Variants in CCBE1 observed in about 807,000 individuals in gnomAD.
CCBE1 encodes collagen and calcium-binding EGF domain-containing protein 1.
In CCBE1, 37 loss-of-function variants were observed where a neutral mutation model predicts 50.0. That is an observed-to-expected ratio of 0.74 (90% CI 0.57 to 0.97). The LOEUF is 0.97. Ranked by LOEUF, CCBE1 falls within the 50% of genes least tolerant of loss-of-function variation. CCBE1 has a pLI of 0.00. For synonymous variants in CCBE1, 234 were observed against 203.7 expected (o/e 1.15, Z -1.27); for missense variants, 538 against 523.8 (o/e 1.03, Z -0.26).
At chr18:59,680,434 T>C (rs1178322623) in intron 2 of CCBE1, among the ~76,000 whole-genome samples, 2 of 151,136 alleles carry the variant, frequency 1.3e-5, no homozygotes, top group Non-Finnish European at 3.0e-5. Flanking sequence ...GGCGCGGTGG[T>C]TTGCATGTAA....
intron 2 of CCBE1, among the ~76,000 whole-genome samples, chr18:59,510,308 A>C (rs181306899): frequency 6.6e-6 from 1 of 152,366 alleles, no homozygotes; most frequent in Admixed American, 6.5e-5. Context: ...TGATATTTGC[A>C]GTTCAGAATT....
At chr18:59,468,146 G>C (rs930801805) in intron 4 of CCBE1, among the ~76,000 whole-genome samples, 2 of 152,144 alleles carry the variant, frequency 1.3e-5, no homozygotes, top group African/African-American at 4.8e-5. Flanking sequence ...CCAGCGCTTT[G>C]GGGGGGCCAA....
chr18:59,631,965 T>C (rs879927896), intron 2 of CCBE1, among the ~76,000 whole-genome samples: 5 of 152,254 alleles, frequency 3.3e-5, no homozygotes, highest in Non-Finnish European at 7.3e-5. Context: ...TGGGCTGCTG[T>C]ATCCTGTAGA....
chr18:59,470,390 C>A (rs1185769535), intron 3 of CCBE1, among the ~76,000 whole-genome samples: 1 of 152,132 alleles, frequency 6.6e-6, no homozygotes, highest in Non-Finnish European at 1.5e-5. Context: ...AAGGGAGCTA[C>A]AATTCAAGAT....
At chr18:59,459,997 TAAAC>T (rs1307229240) in intron 5 of CCBE1, among the ~76,000 whole-genome samples, 2 of 152,130 alleles carry the variant, frequency 1.3e-5, no homozygotes, top group South Asian at 2.1e-4. Context: ...TATCAGAAAA[TAAAC>T]AAAAGTTGAA....
At chr18:59,483,088 T>C (rs1401832187) in intron 2 of CCBE1, among the ~76,000 whole-genome samples, 1 of 152,094 alleles carries the variant, frequency 6.6e-6, no homozygotes, top group Non-Finnish European at 1.5e-5. Flanking sequence ...CACATCATGG[T>C]GGAGAAAGGA....
chr18:59,691,232 G>C (rs1434965252), intron 2 of CCBE1, among the ~76,000 whole-genome samples: 2 of 152,204 alleles, frequency 1.3e-5, no homozygotes, highest in East Asian at 3.8e-4. Flanking sequence ...TGAGGATATA[G>C]TCATGAATGA....
At chr18:59,477,834 G>C (rs989016972) in intron 3 of CCBE1, among the ~76,000 whole-genome samples, 2 of 152,212 alleles carry the variant, frequency 1.3e-5, no homozygotes, top group Admixed American at 6.5e-5. Flanking sequence ...CTGGAGATTA[G>C]GTATGGTTTA....
intron 2 of CCBE1, among the ~76,000 whole-genome samples, chr18:59,552,795 T>C (rs921917411): frequency 3.3e-5 from 5 of 152,188 alleles, no homozygotes; most frequent in Non-Finnish European, 5.9e-5. Context: ...ACCAATCACT[T>C]TGAAAAACAA....
intron 2 of CCBE1, among the ~76,000 whole-genome samples, chr18:59,520,496 A>C (rs1914551202): frequency 6.6e-6 from 1 of 152,218 alleles, no homozygotes; most frequent in Non-Finnish European, 1.5e-5. Context: ...TTAAGAAAAA[A>C]ACCCATCTGT....
At chr18:59,633,269 T>C (rs2053873429) in intron 2 of CCBE1, among the ~76,000 whole-genome samples, 1 of 152,254 alleles carries the variant, frequency 6.6e-6, no homozygotes, top group South Asian at 2.1e-4. Context: ...CTTATTCTTA[T>C]GCTGCTAAGC....
intron 2 of CCBE1, among the ~76,000 whole-genome samples, chr18:59,495,985 AG>A (rs1460685019): frequency 1.7e-4 from 26 of 152,330 alleles, no homozygotes; most frequent in African/African-American, 6.3e-4. Flanking sequence ...AAAACAACTT[AG>A]GCTCTTTGAT....
intron 2 of CCBE1, among the ~76,000 whole-genome samples, chr18:59,661,575 A>G (rs1052659459): frequency 4.6e-5 from 7 of 152,214 alleles, no homozygotes; most frequent in African/African-American, 1.7e-4. Context: ...TTGGGGAAAC[A>G]CAGCGTGAGG....
intron 2 of CCBE1, among the ~76,000 whole-genome samples, chr18:59,523,757 A>G (rs536836522): frequency 1.8e-4 from 27 of 152,316 alleles, no homozygotes; most frequent in African/African-American, 6.3e-4. Flanking sequence ...GAAGCATTCT[A>G]TGGTTCACAA....
intron 2 of CCBE1, among the ~76,000 whole-genome samples, chr18:59,654,623 C>A (rs540801693): frequency 4.0e-5 from 6 of 151,672 alleles, no homozygotes; most frequent in African/African-American, 1.5e-4. Context: ...GACTCTGTCC[C>A]AAAACAAAAC....
intron 2 of CCBE1, among the ~76,000 whole-genome samples, chr18:59,617,615 A>C (rs965729765): frequency 1.3e-5 from 2 of 152,236 alleles, no homozygotes; most frequent in African/African-American, 4.8e-5. Flanking sequence ...CTACTTTTTC[A>C]GAGATGGGTT....
At chr18:59,503,418 T>C (rs1024314785) in intron 2 of CCBE1, among the ~76,000 whole-genome samples, 3 of 152,224 alleles carry the variant, frequency 2.0e-5, no homozygotes, top group African/African-American at 4.8e-5. Context: ...CAACATGGCC[T>C]GGTCACACAA....
At chr18:59,589,533 C>T (rs561769649) in intron 2 of CCBE1, among the ~76,000 whole-genome samples, 15 of 152,254 alleles carry the variant, frequency 9.9e-5, no homozygotes, top group Middle Eastern at 6.8e-3. Flanking sequence ...CGGTGGCTCA[C>T]ACCTGTAATC....
chr18:59,534,043 A>G lies in CCBE1; in HGVS notation c.213-53805T>C, dbSNP rs1598987127. Among the ~76,000 whole-genome samples the G allele has an allele frequency of 2.0e-5, 3 of 152,328 alleles. No homozygotes were observed. In the South Asian group the frequency reaches 6.2e-4, roughly 32 times the overall value. ...AAAAAAATTGACTTGGAGAATCCCC[A>G]TAACCACCCTGTTCCTCCTTTTCAA... On this transcript the variant is annotated intron_variant, in intron 2 of 10. Coordinates refer to ENST00000439986, the MANE Select transcript of CCBE1 (RefSeq NM_133459.4).
Sources: gnomAD v4.1 joint callset for allele counts (sites outside exome capture counted in the v4.1 genomes callset) on GRCh38, gnomAD v4.1.1 for gene constraint, MANE v1.5 for transcripts, NCBI Gene and HGNC (gene_info 2026-07-23, HGNC 2026-07-21) for gene names.